TBC1D22A: variants seen among roughly 807,000 people sequenced by gnomAD.
The protein encoded by TBC1D22A is putative GTPase activator.
TBC1D22A carries 38 observed loss-of-function variants against 60.2 expected under a neutral mutation model. That is an observed-to-expected ratio of 0.63 (90% CI 0.49 to 0.83). The LOEUF (loss-of-function observed/expected upper bound fraction) is 0.83. TBC1D22A is among the 40% of genes least tolerant of loss of function. The pLI is 0.00. For missense variants in TBC1D22A, 628 were observed against 701.0 expected (o/e 0.90, Z 1.18); for synonymous variants, 302 against 281.7 (o/e 1.07, Z -0.72).
chr22:46,916,085 C>T (rs147528018), intron 8 of TBC1D22A: 3 of 395,610 alleles, frequency 7.6e-6, no homozygotes, highest in Non-Finnish European at 1.4e-5. Flanking sequence ...ATTGCAACCC[C>T]TCTGACACTT....
At chr22:46,982,046 T>C (rs1187430107) in intron 9 of TBC1D22A, among the ~76,000 whole-genome samples, 1 of 151,964 alleles carries the variant, frequency 6.6e-6, no homozygotes, top group Admixed American at 6.6e-5. Flanking sequence ...GACTCCATGG[T>C]GTGGGATCAC....
chr22:46,814,707 C>A (rs1264389507), intron 4 of TBC1D22A, among the ~76,000 whole-genome samples: 1 of 151,816 alleles, frequency 6.6e-6, no homozygotes, highest in Non-Finnish European at 1.5e-5. Context: ...AGTGCAATGA[C>A]AAGGTCCCGG....
intron 11 of TBC1D22A, among the ~76,000 whole-genome samples, chr22:47,098,725 G>A (rs2065284822): frequency 6.6e-6 from 1 of 152,230 alleles, no homozygotes. Flanking sequence ...GGGTGGCTTG[G>A]GGTCTGGAGG....
At chr22:47,093,787 A>G (rs1026578950) in intron 11 of TBC1D22A, among the ~76,000 whole-genome samples, 2 of 152,178 alleles carry the variant, frequency 1.3e-5, no homozygotes, top group African/African-American at 2.4e-5. Flanking sequence ...TATTTGGTCA[A>G]ACATTATTCT....
At position 46,797,474 on chromosome 22, in the gene TBC1D22A, G is replaced by C. The variant is rs2084705531; in HGVS notation, c.491G>C (p.Arg164Thr). 6.2e-7 allele frequency: 1 copy of C among 1,613,364 alleles called. No individual in the cohort carries two copies. ...GCCAGCGATGCCGCCCCTCTGCAGA[G>C]GTCCCAGTCTCTCCCACACTCGGCC... ...ESASDAAPLQ[R>T]SQSLPHSATV... Residue 164 changes from arginine to threonine, a missense_variant, in exon 4 of 13, where the codon AGG becomes ACG. By Grantham distance (71) the Arg-to-Thr change is moderately conservative. Coordinates refer to ENST00000337137, the MANE Select transcript of TBC1D22A (RefSeq NM_014346.5).
intron 7 of TBC1D22A, among the ~76,000 whole-genome samples, chr22:46,908,982 G>T (rs2069694118): frequency 6.6e-6 from 1 of 152,156 alleles, no homozygotes; most frequent in African/African-American, 2.4e-5. Context: ...GCCCCGGCCT[G>T]CGCAGATCTC....
intron 10 of TBC1D22A, among the ~76,000 whole-genome samples, chr22:47,014,163 T>C (rs1228979671): frequency 6.6e-6 from 1 of 152,204 alleles, no homozygotes; most frequent in African/African-American, 2.4e-5. Context: ...ATCAGGTGCA[T>C]CCGGGCTACC....
At chr22:46,774,384 A>C (rs191716524) in intron 1 of TBC1D22A, 23 of 423,096 alleles carry the variant, frequency 5.4e-5, no homozygotes, top group Admixed American at 4.5e-4. Context: ...GTATCCCCAG[A>C]CTTTTTGTTC....
chr22:47,074,909 G>C (rs2064140674), intron 11 of TBC1D22A, among the ~76,000 whole-genome samples: 1 of 152,172 alleles, frequency 6.6e-6, no homozygotes, highest in South Asian at 2.1e-4. Context: ...GGGTTAATCA[G>C]ATTGAACAAA....
chr22:46,850,146 G>A (rs1402424773), intron 4 of TBC1D22A, among the ~76,000 whole-genome samples: 1 of 152,172 alleles, frequency 6.6e-6, no homozygotes, highest in Non-Finnish European at 1.5e-5. Flanking sequence ...ACATGTTCCT[G>A]GAGCTTACAG....
At chr22:46,905,639 C>T (rs1290930990) in intron 7 of TBC1D22A, among the ~76,000 whole-genome samples, 21 of 152,200 alleles carry the variant, frequency 1.4e-4, no homozygotes, top group Admixed American at 1.4e-3. Flanking sequence ...CTGAGTGGGT[C>T]TCTCAAGGCG....
intron 4 of TBC1D22A, among the ~76,000 whole-genome samples, chr22:46,829,480 A>G (rs2086214169): frequency 6.6e-6 from 1 of 152,160 alleles, no homozygotes; most frequent in African/African-American, 2.4e-5. Context: ...TTTGCTGCTG[A>G]TTAGAGACAG....
At chr22:47,132,455 A>G (rs1032029568) in intron 12 of TBC1D22A, among the ~76,000 whole-genome samples, 10 of 152,224 alleles carry the variant, frequency 6.6e-5, no homozygotes, top group Non-Finnish European at 1.0e-4. Flanking sequence ...CCGTGGGACC[A>G]TGGGCACATG....
intron 11 of TBC1D22A, among the ~76,000 whole-genome samples, chr22:47,080,025 A>G (rs2064395554): frequency 1.3e-5 from 2 of 152,264 alleles, no homozygotes; most frequent in African/African-American, 4.8e-5. Context: ...ATACTACCAC[A>G]GCTAAAGAAG....
chr22:46,852,840 G>T (rs2087354855), intron 4 of TBC1D22A, among the ~76,000 whole-genome samples: 1 of 152,020 alleles, frequency 6.6e-6, no homozygotes, highest in South Asian at 2.1e-4. Context: ...TCATCTCCCT[G>T]TGCGCAGACC....
At chr22:46,763,394 G>GTTTTTTTTTTTTTTTTTTTT in intron 1 of TBC1D22A, 1 of 66,624 alleles carries the variant, frequency 1.5e-5, no homozygotes, top group Non-Finnish European at 2.6e-5. Flanking sequence ...TTAGCAGGAA[G>GTTTTTTTTTTTTTTTTTTTT]TTTTTTTTTT....
intron 8 of TBC1D22A, chr22:46,913,652 C>G (rs1379153102): frequency 1.0e-5 from 10 of 985,228 alleles, no homozygotes; most frequent in Non-Finnish European, 1.2e-5. Flanking sequence ...CTTAATGATC[C>G]TAGAACAGTA....
At chr22:46,840,691 C>T (rs1345622504) in intron 4 of TBC1D22A, among the ~76,000 whole-genome samples, 1 of 151,880 alleles carries the variant, frequency 6.6e-6, no homozygotes, top group Non-Finnish European at 1.5e-5. Context: ...CGAGATTGCG[C>T]CACTGTACTC....
At chr22:47,038,124 C>T (rs185908127) in intron 11 of TBC1D22A, among the ~76,000 whole-genome samples, 51 of 152,254 alleles carry the variant, frequency 3.3e-4, no homozygotes, top group African/African-American at 1.1e-3. Flanking sequence ...TACGCGCCAG[C>T]CTTTCATCAT....
Sources: allele counts gnomAD v4.1 joint callset (sites outside exome capture counted in the v4.1 genomes callset), GRCh38; gene constraint gnomAD v4.1.1; transcripts MANE v1.5; gene names NCBI Gene and HGNC (gene_info 2026-07-23, HGNC 2026-07-21).